Variants in ABTB3 observed in about 807,000 individuals in gnomAD.
ABTB3 encodes the protein ankyrin repeat and BTB domain containing 3, also known as ankyrin repeat- and BTB/POZ domain-containing protein 3.
chr12:107,656,921 T>C, the ABTB3 span, among the ~76,000 whole-genome samples: 3 of 152,120 alleles, frequency 2.0e-5, no homozygotes, highest in African/African-American at 7.2e-5. Context: ...TCCCAGCACT[T>C]TGGGACGCCC....
At chr12:107,643,341 C>T in the ABTB3 span, among the ~76,000 whole-genome samples, 27,874 of 146,124 alleles carry the variant, frequency 0.19, 2,797 homozygotes, top group Non-Finnish European at 0.23. Context: ...GATGTCAAGG[C>T]GCAGTGAGCC....
chr12:107,320,596 T>G, the ABTB3 span: 168 of 456,068 alleles, frequency 3.7e-4, 2 homozygotes, highest in South Asian at 2.6e-3. Flanking sequence ...CCGTACCGGC[T>G]GAATGGTTGA....
chr12:107,576,482 G>A, the ABTB3 span, among the ~76,000 whole-genome samples: 24 of 152,252 alleles, frequency 1.6e-4, no homozygotes, highest in Non-Finnish European at 2.4e-4. Context: ...GGTGTCTCTC[G>A]TGTCCTGATC....
At chr12:107,571,165 A>G in the ABTB3 span, among the ~76,000 whole-genome samples, 1 of 152,230 alleles carries the variant, frequency 6.6e-6, no homozygotes, top group Non-Finnish European at 1.5e-5. Flanking sequence ...TTTGTTGAGC[A>G]TTTACTATGT....
At chr12:107,649,068 G>A in the ABTB3 span, 2 of 702,592 alleles carry the variant, frequency 2.8e-6, no homozygotes, top group Non-Finnish European at 5.0e-6. Context: ...CTTGGTCACT[G>A]GTGACATGGA....
chr12:107,343,277 G>A, the ABTB3 span, among the ~76,000 whole-genome samples: 1 of 152,088 alleles, frequency 6.6e-6, no homozygotes, highest in African/African-American at 2.4e-5. Flanking sequence ...GCCTCCTAAA[G>A]TGTTGGGATT....
chr12:107,378,118 G>A, the ABTB3 span, among the ~76,000 whole-genome samples: 3 of 152,192 alleles, frequency 2.0e-5, no homozygotes, highest in East Asian at 1.9e-4. Flanking sequence ...CAATGCCAAC[G>A]GCTGGAATAT....
the ABTB3 span, among the ~76,000 whole-genome samples, chr12:107,351,324 C>T: frequency 3.9e-5 from 6 of 152,292 alleles, no homozygotes; most frequent in East Asian, 1.9e-4. Context: ...GATTGCAAAA[C>T]GCTTGAGCCT....
At chr12:107,470,497 C>T in the ABTB3 span, among the ~76,000 whole-genome samples, 7 of 152,138 alleles carry the variant, frequency 4.6e-5, no homozygotes, top group Non-Finnish European at 1.5e-5. Flanking sequence ...TCCTTTGCCC[C>T]GAGGAGGGCC....
chr12:107,546,038 G>T, the ABTB3 span, among the ~76,000 whole-genome samples: 29 of 152,268 alleles, frequency 1.9e-4, no homozygotes, highest in East Asian at 5.6e-3. Flanking sequence ...ATACTTGCAG[G>T]CTGATTCTTC....
chr12:107,393,802 C>T, the ABTB3 span, among the ~76,000 whole-genome samples: 42,388 of 151,854 alleles, frequency 0.28, 6,114 homozygotes, highest in Admixed American at 0.35. Context: ...TGGTGGCAGG[C>T]GCCTGTAGTC....
the ABTB3 span, chr12:107,319,316 A>G: frequency 6.5e-7 from 1 of 1,545,486 alleles, no homozygotes; most frequent in African/African-American, 1.4e-5. Flanking sequence ...CGGCCTGCCC[A>G]AGGACGCGCT....
chr12:107,490,199 G>T, the ABTB3 span, among the ~76,000 whole-genome samples: 1 of 152,044 alleles, frequency 6.6e-6, no homozygotes, highest in Admixed American at 6.5e-5. Flanking sequence ...CCACTCCACC[G>T]CCCAGGTTCC....
chr12:107,366,285 A>G, the ABTB3 span, among the ~76,000 whole-genome samples: 1 of 152,210 alleles, frequency 6.6e-6, no homozygotes, highest in Non-Finnish European at 1.5e-5. Flanking sequence ...GGGACCTTGA[A>G]AACAACTATT....
At chr12:107,362,564 G>A in the ABTB3 span, among the ~76,000 whole-genome samples, 1 of 152,200 alleles carries the variant, frequency 6.6e-6, no homozygotes, top group Non-Finnish European at 1.5e-5. Context: ...AGGCCAAGGT[G>A]CGGGGGTTGC....
chr12:107,363,065 G>A, the ABTB3 span, among the ~76,000 whole-genome samples: 145 of 152,290 alleles, frequency 9.5e-4, no homozygotes, highest in Middle Eastern at 3.4e-3. Flanking sequence ...ACTTTTGAAA[G>A]GGTGATAACC....
chr12:107,496,854 G>A, the ABTB3 span, among the ~76,000 whole-genome samples: 11 of 152,166 alleles, frequency 7.2e-5, no homozygotes, highest in African/African-American at 2.4e-4. Context: ...CAGCCTGGCT[G>A]TAGAGCCCAT....
the ABTB3 span, among the ~76,000 whole-genome samples, chr12:107,471,617 C>A: frequency 2.0e-5 from 3 of 152,192 alleles, no homozygotes; most frequent in Non-Finnish European, 4.4e-5. Flanking sequence ...TGCCTGCAAT[C>A]TGTAACTTTT....
At chr12:107,519,520 G>A in the ABTB3 span, among the ~76,000 whole-genome samples, 2 of 152,038 alleles carry the variant, frequency 1.3e-5, no homozygotes, top group Admixed American at 6.6e-5. Flanking sequence ...GTTTCGCCAT[G>A]TTGGCCAGGC....
Sources: gnomAD v4.1 joint callset for allele counts (sites outside exome capture counted in the v4.1 genomes callset) on GRCh38, gnomAD v4.1.1 for gene constraint, MANE v1.5 for transcripts, NCBI Gene and HGNC (gene_info 2026-07-23, HGNC 2026-07-21) for gene names.